Variants in RTN1 observed in about 807,000 individuals in gnomAD.
The protein encoded by RTN1 is reticulon 1, also known as reticulon-1.
In RTN1, 25 loss-of-function variants were observed where a neutral mutation model predicts 65.5. The observed-to-expected ratio is 0.38, with a 90% CI of 0.28 to 0.53. The LOEUF is 0.53. Ranked by LOEUF, RTN1 falls within the 20% of genes least tolerant of loss-of-function variation. RTN1 has a pLI of 0.79. For synonymous variants in RTN1, 471 were observed against 447.6 expected (o/e 1.05, Z -0.66); for missense variants, 983 against 1,025.4 (o/e 0.96, Z 0.57).
At chr14:59,668,831 G>T (rs1031165433) in intron 3 of RTN1, among the ~76,000 whole-genome samples, 3 of 152,216 alleles carry the variant, frequency 2.0e-5, no homozygotes, top group Non-Finnish European at 2.9e-5. Flanking sequence ...AGACATCTAT[G>T]CAGCCAGTAG....
At chr14:59,800,049 G>A (rs906135600) in intron 1 of RTN1, among the ~76,000 whole-genome samples, 4 of 152,218 alleles carry the variant, frequency 2.6e-5, no homozygotes, top group African/African-American at 9.6e-5. Flanking sequence ...GGCAAGGAAA[G>A]AGAACCCCTC....
chr14:59,678,812 C>G (rs1883682830), intron 3 of RTN1, among the ~76,000 whole-genome samples: 1 of 152,206 alleles, frequency 6.6e-6, no homozygotes, highest in South Asian at 2.1e-4. Context: ...TTCAGAAGCA[C>G]TGGGGGAGTT....
At chr14:59,671,895 GCTACTTC>G (rs1252571668) in intron 3 of RTN1, among the ~76,000 whole-genome samples, 1 of 152,248 alleles carries the variant, frequency 6.6e-6, no homozygotes, top group South Asian at 2.1e-4. Flanking sequence ...TTGGTCTTTG[GCTACTTC>G]CCACAAAACA....
chr14:59,645,565 T>G (rs1882876309), intron 3 of RTN1, among the ~76,000 whole-genome samples: 1 of 152,184 alleles, frequency 6.6e-6, no homozygotes, highest in Non-Finnish European at 1.5e-5. Context: ...TTCAGCTCTC[T>G]GGGACAGAGC....
intron 1 of RTN1, among the ~76,000 whole-genome samples, chr14:59,750,254 A>AT (rs1885448720): frequency 2.9e-5 from 2 of 69,712 alleles, no homozygotes; most frequent in Non-Finnish European, 4.4e-5. Flanking sequence ...TCTATAATAT[A>AT]TAATATATAT....
At chr14:59,703,350 T>C (rs372187509) in intron 3 of RTN1, among the ~76,000 whole-genome samples, 23 of 152,276 alleles carry the variant, frequency 1.5e-4, no homozygotes, top group African/African-American at 5.1e-4. Flanking sequence ...ACTATCCCCT[T>C]AGTGATCAAT....
intron 1 of RTN1, among the ~76,000 whole-genome samples, chr14:59,808,913 C>G (rs1225166696): frequency 2.6e-5 from 4 of 152,104 alleles, no homozygotes; most frequent in African/African-American, 9.7e-5. Context: ...CCCCAGAAGC[C>G]AAGCAGATAC....
At chr14:59,719,992 C>T (rs763427315) in intron 3 of RTN1, among the ~76,000 whole-genome samples, 8 of 152,116 alleles carry the variant, frequency 5.3e-5, no homozygotes, top group Non-Finnish European at 1.0e-4. Flanking sequence ...AAGGTTGACT[C>T]GATTCCATTT....
At chr14:59,799,275 C>T (rs1050475175) in intron 1 of RTN1, among the ~76,000 whole-genome samples, 2 of 152,206 alleles carry the variant, frequency 1.3e-5, no homozygotes, top group Non-Finnish European at 2.9e-5. Flanking sequence ...AAGCCATACT[C>T]ATCAAATTCC....
intron 1 of RTN1, among the ~76,000 whole-genome samples, chr14:59,787,550 T>G (rs77756401): frequency 0.013 from 1,914 of 152,352 alleles, 38 homozygotes; most frequent in African/African-American, 0.042. Context: ...GATCTCTGTC[T>G]TTCTTCTATG....
chr14:59,720,556 T>C (rs1884625125), intron 3 of RTN1, among the ~76,000 whole-genome samples: 1 of 151,994 alleles, frequency 6.6e-6, no homozygotes, highest in African/African-American at 2.4e-5. Context: ...ACCCTGTCTC[T>C]ACCAAAAAAT....
At chr14:59,865,494 T>G (rs1341416452) in intron 1 of RTN1, among the ~76,000 whole-genome samples, 1 of 152,204 alleles carries the variant, frequency 6.6e-6, no homozygotes, top group Admixed American at 6.5e-5. Context: ...TAAGAATCAC[T>G]GTCCATTTTA....
chr14:59,765,826 T>C (rs536259761), intron 1 of RTN1, among the ~76,000 whole-genome samples: 39 of 152,298 alleles, frequency 2.6e-4, no homozygotes, highest in Non-Finnish European at 5.4e-4. Flanking sequence ...CAACATCTGG[T>C]GTTTGGCGTC....
At chr14:59,672,397 C>T (rs946344069) in intron 3 of RTN1, among the ~76,000 whole-genome samples, 1 of 152,108 alleles carries the variant, frequency 6.6e-6, no homozygotes, top group Non-Finnish European at 1.5e-5. Context: ...AAAAATGTTA[C>T]TTTAAAACAC....
chr14:59,671,466 G>A (rs1191667605), intron 3 of RTN1, among the ~76,000 whole-genome samples: 7 of 152,080 alleles, frequency 4.6e-5, no homozygotes, highest in African/African-American at 7.2e-5. Context: ...ACCAACAATC[G>A]CACATATTAA....
At chr14:59,709,630 CT>C (rs1193540024) in intron 3 of RTN1, among the ~76,000 whole-genome samples, 1 of 152,168 alleles carries the variant, frequency 6.6e-6, no homozygotes, top group Non-Finnish European at 1.5e-5. Flanking sequence ...TGCCCCCTGC[CT>C]TGTGGTGCCA....
At chr14:59,798,481 A>G (rs1886479837) in intron 1 of RTN1, among the ~76,000 whole-genome samples, 1 of 152,188 alleles carries the variant, frequency 6.6e-6, no homozygotes, top group Non-Finnish European at 1.5e-5. Flanking sequence ...TGGGTTCTTT[A>G]GGAGGCTCTA....
chr14:59,770,947 T>C (rs1236799535), intron 1 of RTN1, among the ~76,000 whole-genome samples: 2 of 151,572 alleles, frequency 1.3e-5, no homozygotes, highest in African/African-American at 4.9e-5. Context: ...TAAAGGAGGC[T>C]GAGGCAGAGA....
intron 3 of RTN1, among the ~76,000 whole-genome samples, chr14:59,720,248 ATT>A (rs201794227): frequency 1.3e-4 from 16 of 122,074 alleles, no homozygotes; most frequent in African/African-American, 5.6e-4. Flanking sequence ...TGAAGCCACC[ATT>A]TTAAAAAAAA....
Sources: allele counts gnomAD v4.1 joint callset (sites outside exome capture counted in the v4.1 genomes callset), GRCh38; gene constraint gnomAD v4.1.1; transcripts MANE v1.5; gene names NCBI Gene and HGNC (gene_info 2026-07-23, HGNC 2026-07-21).